VKORC1L1: variants seen among roughly 807,000 people sequenced by gnomAD.
VKORC1L1 encodes the protein vitamin K epoxide reductase complex subunit 1L1.
VKORC1L1 carries 2 observed loss-of-function variants against 18.9 expected under a neutral mutation model. The observed-to-expected ratio is 0.11, with a 90% confidence interval of 0.04 to 0.33. The LOEUF is 0.33. Among genes scored for constraint, VKORC1L1 ranks in the 10% least tolerant of loss-of-function variants. The probability of loss-of-function intolerance (pLI) is 1.00; values close to 1 mark genes in which losing one functional copy is unlikely to be tolerated. For synonymous variants in VKORC1L1, 96 were observed against 100.0 expected, an observed-to-expected ratio of 0.96 and a Z score of 0.24; for missense variants, 123 against 224.1, an observed-to-expected ratio of 0.55 and a Z score of 2.88.
chr7:65,933,821 T>TA (rs1789897290), intron 1 of VKORC1L1, among the ~76,000 whole-genome samples: 1 of 152,208 alleles, frequency 6.6e-6, no homozygotes, highest in Non-Finnish European at 1.5e-5. Flanking sequence ...TCTCTGTGAA[T>TA]TCTTATGTGG....
At chr7:65,903,773 CAAAAA>C (rs59067443) in intron 1 of VKORC1L1, among the ~76,000 whole-genome samples, 7 of 113,204 alleles carry the variant, frequency 6.2e-5, no homozygotes, top group Non-Finnish European at 7.2e-5. Flanking sequence ...GACCGTGTCT[CAAAAA>C]AAAAAAAAAA....
chr7:65,879,752 C>T (rs1182271263), intron 1 of VKORC1L1, among the ~76,000 whole-genome samples: 1 of 149,708 alleles, frequency 6.7e-6, no homozygotes, highest in African/African-American at 2.5e-5. Flanking sequence ...TCCTTCCTTC[C>T]TTTTCTTTAT....
In VKORC1L1 at chr7:65,882,480, A is replaced by G. The variant is rs1401392343; in HGVS notation, c.194+8915A>G. The stretch of plus-strand genomic sequence containing the variant: ...AATAAGCAAAAGGAAGAAAATGTAA[A>G]TTATCTATAATGCTTACACCCAGGA... On this transcript the variant is annotated intron_variant, in intron 1 of 2. Coordinates refer to ENST00000360768, the MANE Select transcript of VKORC1L1 (RefSeq NM_173517.6). Among the ~76,000 whole-genome samples, 3 of 152,140 alleles carry G rather than the reference A, an allele frequency of 2.0e-5. 1 individual carries two copies. Among genetic ancestry groups the G allele is most frequent in the Middle Eastern group, 6.8e-3 (2 of 294 alleles).
intron 1 of VKORC1L1, among the ~76,000 whole-genome samples, chr7:65,916,340 G>T (rs1036383696): frequency 6.6e-6 from 1 of 152,038 alleles, no homozygotes; most frequent in Non-Finnish European, 1.5e-5. Flanking sequence ...TCAATCCATT[G>T]TGGTTATTAT....
chr7:65,904,681 A>G (rs997147923), intron 1 of VKORC1L1, among the ~76,000 whole-genome samples: 3 of 152,210 alleles, frequency 2.0e-5, no homozygotes, highest in African/African-American at 7.2e-5. Flanking sequence ...ATTAACCTAA[A>G]AGAATGCAAG....
upstream of VKORC1L1, among the ~76,000 whole-genome samples, chr7:65,869,234 A>C (rs1296409868): frequency 3.3e-5 from 5 of 151,980 alleles, no homozygotes; most frequent in Admixed American, 3.3e-4. Context: ...GAATCTCTTC[A>C]ACCTGGCTGA....
chr7:65,883,753 C>G (rs1184311855), intron 1 of VKORC1L1, among the ~76,000 whole-genome samples: 1 of 152,160 alleles, frequency 6.6e-6, no homozygotes, highest in Non-Finnish European at 1.5e-5. Context: ...CCGCCTCGGC[C>G]TCCCAAAGTG....
chr7:65,901,389 A>C (rs529884446), intron 1 of VKORC1L1, among the ~76,000 whole-genome samples: 1 of 152,274 alleles, frequency 6.6e-6, no homozygotes, highest in East Asian at 1.9e-4. Context: ...CAAATTGAGA[A>C]ACTGTTACTT....
At chr7:65,925,388 C>T (rs1432478294) in intron 1 of VKORC1L1, among the ~76,000 whole-genome samples, 1 of 152,142 alleles carries the variant, frequency 6.6e-6, no homozygotes, top group Non-Finnish European at 1.5e-5. Context: ...TTACAGTCTC[C>T]GAGTTGGTCT....
chr7:65,920,828 G>GAA (rs76621255), intron 1 of VKORC1L1, among the ~76,000 whole-genome samples: 3 of 126,158 alleles, frequency 2.4e-5, no homozygotes, highest in Non-Finnish European at 5.1e-5. Flanking sequence ...CCTGTTTTTA[G>GAA]AAAAAAAAAA....
chr7:65,897,618 G>T (rs1452419745), intron 1 of VKORC1L1, among the ~76,000 whole-genome samples: 2 of 151,900 alleles, frequency 1.3e-5, no homozygotes, highest in Non-Finnish European at 2.9e-5. Flanking sequence ...CAAAATTGTG[G>T]TGTTAGAAGT....
chr7:65,898,999 CTTTG>C (rs1220689495), intron 1 of VKORC1L1, among the ~76,000 whole-genome samples: 5 of 152,140 alleles, frequency 3.3e-5, no homozygotes, highest in African/African-American at 9.7e-5. Flanking sequence ...GAATACTTTA[CTTTG>C]TTTATTATCC....
chr7:65,945,245 A>G (rs1413772280), intron 1 of VKORC1L1, among the ~76,000 whole-genome samples: 2 of 147,296 alleles, frequency 1.4e-5, no homozygotes, highest in East Asian at 4.2e-4. Context: ...TGGGCGACAG[A>G]GCCAGACTGT....
At chr7:65,905,544 C>T (rs1400998773) in intron 1 of VKORC1L1, among the ~76,000 whole-genome samples, 1 of 151,966 alleles carries the variant, frequency 6.6e-6, no homozygotes, top group Non-Finnish European at 1.5e-5. Context: ...CTCCTGACCT[C>T]GTGATCCACC....
At position 65,954,391 on chromosome 7, in the gene VKORC1L1, T is replaced by C. The variant is rs866796060; in HGVS notation, c.*91T>C. 2.1e-6 allele frequency: 3 copies of C among 1,461,312 alleles called. No homozygotes were observed. In the African/African-American group the frequency reaches 4.3e-5, roughly 21 times the overall value. The allele number at this position is 1,461,312 out of a possible 1,614,324, so 90.5% of individuals were successfully genotyped here. On this transcript the variant is annotated 3_prime_UTR_variant, in exon 3 of 3. Transcript: ENST00000360768. Reference sequence around the variant, plus strand: ...TTTATTATTATTATTATTATTATTATTCACAACAGACACTTTCCCTAAGAA... The same window carrying C: ...TTTATTATTATTATTATTATTATTACTCACAACAGACACTTTCCCTAAGAA...
intron 2 of VKORC1L1, among the ~76,000 whole-genome samples, chr7:65,950,720 G>T (rs1790199041): frequency 1.3e-5 from 2 of 152,308 alleles, no homozygotes; most frequent in South Asian, 2.1e-4. Context: ...AAGGAAAAAG[G>T]AGATCTATGT....
At chr7:65,872,490 T>C (rs1788738825), upstream of VKORC1L1, among the ~76,000 whole-genome samples, 1 of 151,872 alleles carries the variant, frequency 6.6e-6, no homozygotes, top group East Asian at 1.9e-4. Flanking sequence ...TTTGTTTTTG[T>C]TTGTTTTTTG....
At chr7:65,867,737 T>C in the VKORC1L1 span, among the ~76,000 whole-genome samples, 3 of 152,166 alleles carry the variant, frequency 2.0e-5, no homozygotes, top group Non-Finnish European at 4.4e-5. Context: ...GTGTCCCCTT[T>C]TATGAGCTAC....
intron 1 of VKORC1L1, among the ~76,000 whole-genome samples, chr7:65,924,825 T>C (rs1462183520): frequency 6.6e-6 from 1 of 152,260 alleles, no homozygotes; most frequent in African/African-American, 2.4e-5. Flanking sequence ...TTTGTTACTC[T>C]GTATTCTATG....
Sources: allele counts gnomAD v4.1 joint callset (sites outside exome capture counted in the v4.1 genomes callset), GRCh38; gene constraint gnomAD v4.1.1; transcripts MANE v1.5; gene names NCBI Gene and HGNC (gene_info 2026-07-23, HGNC 2026-07-21).